LRP1B: variants seen among roughly 807,000 people sequenced by gnomAD.
LRP1B encodes low-density lipoprotein receptor-related protein 1B.
Under a neutral mutation model 556.6 loss-of-function variants are expected in LRP1B, and 217 were observed. The ratio of observed to expected loss-of-function variants is 0.39; its 90% confidence interval spans 0.35 to 0.44. The LOEUF (loss-of-function observed/expected upper bound fraction) is 0.44. Among genes scored for constraint, LRP1B ranks in the 20% least tolerant of loss-of-function variants. The pLI, the probability that LRP1B is intolerant of heterozygous loss-of-function variation, is 1.00. For synonymous variants in LRP1B, 2,047 were observed against 1,865.8 expected, an observed-to-expected ratio of 1.10 and a Z score of -2.50; for missense variants, 5,053 against 5,620.8, an observed-to-expected ratio of 0.90 and a Z score of 3.23.
chr2:141,078,471 A>G (rs1428806572), intron 7 of LRP1B, among the ~76,000 whole-genome samples: 4 of 152,158 alleles, frequency 2.6e-5, no homozygotes, highest in Non-Finnish European at 4.4e-5. Flanking sequence ...AGTTGGACTG[A>G]GTCAATCAGC....
At chr2:142,123,975 G>A (rs1293568782) in intron 1 of LRP1B, among the ~76,000 whole-genome samples, 1 of 151,912 alleles carries the variant, frequency 6.6e-6, no homozygotes, top group Non-Finnish European at 1.5e-5. Context: ...AATCCCAAAT[G>A]TAGACAATAC....
intron 27 of LRP1B, among the ~76,000 whole-genome samples, chr2:140,864,091 T>C (rs146012798): frequency 0.012 from 1,752 of 152,034 alleles, 18 homozygotes; most frequent in Non-Finnish European, 0.018. Context: ...ATTTACTTAG[T>C]ATTTCTCTGT....
At chr2:141,146,965 G>A (rs138110512) in intron 7 of LRP1B, among the ~76,000 whole-genome samples, 2,248 of 152,232 alleles carry the variant, frequency 0.015, 23 homozygotes, top group Middle Eastern at 0.044. Flanking sequence ...CCAGGAAGCT[G>A]ATCCCTGTGG....
intron 3 of LRP1B, among the ~76,000 whole-genome samples, chr2:141,435,929 C>T (rs537810362): frequency 1.3e-5 from 2 of 152,208 alleles, no homozygotes; most frequent in East Asian, 3.9e-4. Flanking sequence ...ACTGTGGCCC[C>T]CAGACTGGAA....
intron 31 of LRP1B, among the ~76,000 whole-genome samples, chr2:140,826,639 A>T (rs984843535): frequency 1.3e-5 from 2 of 152,142 alleles, no homozygotes; most frequent in African/African-American, 4.8e-5. Flanking sequence ...TCTGCCAGGC[A>T]CCATGCATGA....
chr2:141,439,378 AT>A (rs1394817371), intron 3 of LRP1B, among the ~76,000 whole-genome samples: 76 of 152,146 alleles, frequency 5.0e-4, no homozygotes, highest in African/African-American at 1.7e-3. Context: ...TTTTACAATT[AT>A]GTCAGATATC....
At chr2:140,663,026 G>A (rs1367337459) in intron 41 of LRP1B, among the ~76,000 whole-genome samples, 3 of 152,056 alleles carry the variant, frequency 2.0e-5, no homozygotes, top group Non-Finnish European at 4.4e-5. Context: ...TTATAAAAAT[G>A]CTTTTAAGTA....
chr2:141,752,798 G>A (rs1694162422), intron 2 of LRP1B, among the ~76,000 whole-genome samples: 1 of 150,522 alleles, frequency 6.6e-6, no homozygotes, highest in Non-Finnish European at 1.5e-5. Flanking sequence ...AAATTAGCTG[G>A]TTTTGGTGGT....
chr2:142,018,549 A>G (rs1182951852), intron 1 of LRP1B, among the ~76,000 whole-genome samples: 1 of 152,264 alleles, frequency 6.6e-6, no homozygotes, highest in East Asian at 1.9e-4. Flanking sequence ...TTGTATTTAC[A>G]ATAATAAAAT....
At chr2:141,778,818 GAT>G (rs1031021601) in intron 2 of LRP1B, among the ~76,000 whole-genome samples, 1 of 152,140 alleles carries the variant, frequency 6.6e-6, no homozygotes, top group African/African-American at 2.4e-5. Flanking sequence ...TACACAGAGA[GAT>G]AGGAGCTATA....
chr2:140,324,012 C>T lies in LRP1B; in HGVS notation c.12395G>A (p.Gly4132Glu), dbSNP rs779479669. ...AACTCGAAATACACCATTTTTAGGT[C>T]CTGCTCCATATATATAATCTTCAAA... ...DIFEDYIYGA[G>E]PKNGVFRVQK... Residue 4132 changes from glycine to glutamate, a missense_variant, in exon 81 of 91, where the codon GGA becomes GAA. Coordinates refer to ENST00000389484, the MANE Select transcript of LRP1B (RefSeq NM_018557.3). 5.6e-6 allele frequency: 9 copies of T among 1,610,240 alleles called. No individual in the cohort carries two copies. The South Asian group carries it at 7.7e-5, about 14-fold the overall frequency.
intron 2 of LRP1B, among the ~76,000 whole-genome samples, chr2:141,669,222 G>T (rs1399027155): frequency 6.6e-6 from 1 of 152,018 alleles, no homozygotes; most frequent in Admixed American, 6.6e-5. Context: ...AATATGACTG[G>T]TGTCTATAAA....
intron 7 of LRP1B, among the ~76,000 whole-genome samples, chr2:141,168,509 T>C (rs1680362404): frequency 6.6e-6 from 1 of 151,888 alleles, no homozygotes; most frequent in Non-Finnish European, 1.5e-5. Context: ...AAATTTAAAA[T>C]CCTGAACCAC....
At chr2:140,352,865 T>G in intron 76 of LRP1B, 88 bp downstream of exon 76, 1 of 1,287,346 alleles carries the variant, frequency 7.8e-7, no homozygotes, top group Non-Finnish European at 1.1e-6. Context: ...AATGAAGCTG[T>G]TGCTGGAATG....
At chr2:140,569,405 T>C (rs1390889129) in intron 43 of LRP1B, among the ~76,000 whole-genome samples, 4 of 151,842 alleles carry the variant, frequency 2.6e-5, no homozygotes, top group African/African-American at 4.8e-5. Flanking sequence ...AAAGTGAGCA[T>C]AAGTAACTAT....
At chr2:142,029,700 T>A (rs1337652222) in intron 1 of LRP1B, among the ~76,000 whole-genome samples, 1 of 151,834 alleles carries the variant, frequency 6.6e-6, no homozygotes, top group Non-Finnish European at 1.5e-5. Flanking sequence ...CTTTCAAGCT[T>A]GTTTGTGCCT....
At chr2:142,107,024 TG>T (rs1285071343) in intron 1 of LRP1B, among the ~76,000 whole-genome samples, 1 of 152,138 alleles carries the variant, frequency 6.6e-6, no homozygotes, top group Non-Finnish European at 1.5e-5. Flanking sequence ...AAAATTCATA[TG>T]TTTTTTGCCT....
chr2:141,582,206 C>T (rs1178945495), intron 2 of LRP1B, among the ~76,000 whole-genome samples: 2 of 152,142 alleles, frequency 1.3e-5, no homozygotes, highest in Non-Finnish European at 2.9e-5. Flanking sequence ...ATATTCCTGT[C>T]TTAGTCTATT....
At chr2:141,724,390 T>C (rs1306862854) in intron 2 of LRP1B, among the ~76,000 whole-genome samples, 1 of 151,844 alleles carries the variant, frequency 6.6e-6, no homozygotes, top group East Asian at 1.9e-4. Flanking sequence ...AATTCATGAA[T>C]TGAATTTTTA....
Sources: gnomAD v4.1 joint callset for allele counts (sites outside exome capture counted in the v4.1 genomes callset) on GRCh38, gnomAD v4.1.1 for gene constraint, MANE v1.5 for transcripts, NCBI Gene and HGNC (gene_info 2026-07-23, HGNC 2026-07-21) for gene names.